GALNTL6: variants seen among roughly 807,000 people sequenced by gnomAD.
GALNTL6 encodes the protein polypeptide N-acetylgalactosaminyltransferase-like 6.
Under a neutral mutation model 73.7 loss-of-function variants are expected in GALNTL6, and 46 were observed. The observed-to-expected ratio is 0.62, with a 90% confidence interval of 0.49 to 0.80. The LOEUF (loss-of-function observed/expected upper bound fraction) is 0.80. Ranked by LOEUF, GALNTL6 falls within the 30% of genes least tolerant of loss-of-function variation. The pLI, the probability that GALNTL6 is intolerant of heterozygous loss-of-function variation, is 0.00. For synonymous variants in GALNTL6, 259 were observed against 263.7 expected (o/e 0.98, Z 0.17); for missense variants, 604 against 755.0 (o/e 0.80, Z 2.34).
chr4:172,403,646 A>G (rs1235135145), intron 5 of GALNTL6, among the ~76,000 whole-genome samples: 1 of 152,068 alleles, frequency 6.6e-6, no homozygotes, highest in East Asian at 1.9e-4. Context: ...AAGCATATTA[A>G]CTGAAGGAGC....
intron 5 of GALNTL6, among the ~76,000 whole-genome samples, chr4:172,435,543 T>C (rs1731604900): frequency 6.6e-6 from 1 of 152,118 alleles, no homozygotes; most frequent in South Asian, 2.1e-4. Context: ...TGGGACTGAA[T>C]GAGATCATTA....
At chr4:171,850,034 C>T (rs529890369) in intron 2 of GALNTL6, among the ~76,000 whole-genome samples, 2 of 152,172 alleles carry the variant, frequency 1.3e-5, no homozygotes, top group African/African-American at 2.4e-5. Flanking sequence ...GGTGCAATCT[C>T]GGCTCACTGC....
intron 2 of GALNTL6, among the ~76,000 whole-genome samples, chr4:171,989,021 G>A (rs1157843782): frequency 6.6e-6 from 1 of 152,012 alleles, no homozygotes; most frequent in Admixed American, 6.6e-5. Flanking sequence ...GAACTGGGCA[G>A]GTGGGGATAA....
intron 12 of GALNTL6, among the ~76,000 whole-genome samples, chr4:173,032,002 A>C (rs1287917229): frequency 2.6e-5 from 4 of 152,198 alleles, no homozygotes; most frequent in Non-Finnish European, 5.9e-5. Flanking sequence ...GATGGAGAAA[A>C]AGACCACAGA....
chr4:172,043,952 A>G (rs1742153869), intron 2 of GALNTL6, among the ~76,000 whole-genome samples: 1 of 152,052 alleles, frequency 6.6e-6, no homozygotes, highest in African/African-American at 2.4e-5. Context: ...TAAGCTTTAA[A>G]GAGATTTGTT....
intron 2 of GALNTL6, among the ~76,000 whole-genome samples, chr4:172,213,937 G>A (rs538529863): frequency 6.6e-6 from 1 of 152,160 alleles, no homozygotes; most frequent in African/African-American, 2.4e-5. Flanking sequence ...TTACATTTAG[G>A]TGTTTGATTT....
chr4:172,463,803 G>C (rs1389440688), intron 5 of GALNTL6, among the ~76,000 whole-genome samples: 8 of 152,112 alleles, frequency 5.3e-5, no homozygotes, highest in Non-Finnish European at 1.2e-4. Context: ...AGCAATCTGT[G>C]GATGATTATT....
intron 5 of GALNTL6, among the ~76,000 whole-genome samples, chr4:172,492,752 T>A (rs1251367587): frequency 2.0e-5 from 3 of 152,166 alleles, no homozygotes; most frequent in Non-Finnish European, 4.4e-5. Context: ...GCCTGAAGAA[T>A]TACATAAAAA....
At chr4:171,988,589 G>T (rs527679437) in intron 2 of GALNTL6, among the ~76,000 whole-genome samples, 4 of 152,296 alleles carry the variant, frequency 2.6e-5, no homozygotes, top group East Asian at 3.9e-4. Flanking sequence ...GCACCACGGG[G>T]TGGATAGGCA....
At chr4:172,366,596 A>G (rs913210804) in intron 5 of GALNTL6, among the ~76,000 whole-genome samples, 3 of 152,182 alleles carry the variant, frequency 2.0e-5, no homozygotes, top group Non-Finnish European at 4.4e-5. Context: ...AGTAAGATCA[A>G]CGTGGGAAAA....
intron 3 of GALNTL6, among the ~76,000 whole-genome samples, chr4:172,282,101 G>A (rs1350679696): frequency 6.6e-6 from 1 of 152,086 alleles, no homozygotes; most frequent in Non-Finnish European, 1.5e-5. Context: ...AATGTATTGA[G>A]TGAAAATACA....
chr4:171,897,522 A>G (rs1047418719), intron 2 of GALNTL6, among the ~76,000 whole-genome samples: 10 of 152,132 alleles, frequency 6.6e-5, no homozygotes, highest in Admixed American at 2.0e-4. Context: ...ACAATTCACC[A>G]TTTAAAAAAA....
intron 2 of GALNTL6, among the ~76,000 whole-genome samples, chr4:172,057,716 AAAAAAAAAAAAATATAT>A (rs1331816386): frequency 1.9e-5 from 2 of 108,076 alleles, no homozygotes; most frequent in Non-Finnish European, 3.7e-5. Context: ...AAAAAAAAAA[AAAAAAAAAAAAATATAT>A]ATATATATAT....
chr4:171,849,687 A>T (rs535025470), intron 2 of GALNTL6, among the ~76,000 whole-genome samples: 2 of 152,308 alleles, frequency 1.3e-5, no homozygotes, highest in South Asian at 4.1e-4. Flanking sequence ...ATTAACTGAA[A>T]ATTTACAAGA....
In GALNTL6 at chr4:171,893,563, A is replaced by G. The variant is rs1736820666; in HGVS notation, c.138+78845A>G. 2.6e-5 allele frequency among the ~76,000 whole-genome samples: 4 copies of G among 152,278 alleles called. 1 individual carries two copies. Among genetic ancestry groups the G allele is most frequent in the African/African-American group, 9.6e-5 (4 of 41,568 alleles). Reference sequence around the variant, plus strand: ...AGATGTAGAAAATAGAAAATGCCCAATATCTGTGTTCCTGAATCAACATTT... The same window carrying G: ...AGATGTAGAAAATAGAAAATGCCCAGTATCTGTGTTCCTGAATCAACATTT... On this transcript the variant is annotated intron_variant, in intron 2 of 12. Coordinates refer to ENST00000506823, the MANE Select transcript of GALNTL6 (RefSeq NM_001034845.3).
At chr4:172,635,509 C>A (rs1305256101) in intron 5 of GALNTL6, among the ~76,000 whole-genome samples, 1 of 152,032 alleles carries the variant, frequency 6.6e-6, no homozygotes, top group Non-Finnish European at 1.5e-5. Context: ...TGTCTTCCCC[C>A]CTTAACCACA....
intron 2 of GALNTL6, among the ~76,000 whole-genome samples, chr4:172,122,743 A>G (rs1020729595): frequency 6.6e-6 from 1 of 152,192 alleles, no homozygotes; most frequent in Non-Finnish European, 1.5e-5. Context: ...CACTGTGGCC[A>G]TGGTTCTCTT....
intron 5 of GALNTL6, among the ~76,000 whole-genome samples, chr4:172,370,786 A>C (rs1162571035): frequency 6.6e-6 from 1 of 152,078 alleles, no homozygotes; most frequent in Non-Finnish European, 1.5e-5. Flanking sequence ...CTTTCTCAGC[A>C]GGGGGGAGGT....
intron 8 of GALNTL6, among the ~76,000 whole-genome samples, chr4:172,901,413 C>A (rs570957679): frequency 2.0e-5 from 3 of 152,186 alleles, no homozygotes; most frequent in Non-Finnish European, 4.4e-5. Context: ...GAACATTTTT[C>A]ATCAATTGTG....
Sources: allele counts gnomAD v4.1 joint callset (sites outside exome capture counted in the v4.1 genomes callset), GRCh38; gene constraint gnomAD v4.1.1; transcripts MANE v1.5; gene names NCBI Gene and HGNC (gene_info 2026-07-23, HGNC 2026-07-21).